The following GRIK2 variants were observed in gnomAD, a reference collection of about 807,000 sequenced individuals.
GRIK2 encodes the protein glutamate receptor ionotropic, kainate 2.
GRIK2 carries 32 observed loss-of-function variants against 100.3 expected under a neutral mutation model. The ratio of observed to expected loss-of-function variants is 0.32; its 90% CI spans 0.24 to 0.43. GRIK2 has a LOEUF of 0.43. Among genes scored for constraint, GRIK2 ranks in the 20% least tolerant of loss-of-function variants. The pLI is 1.00. For synonymous variants in GRIK2, 417 were observed against 389.4 expected, an observed-to-expected ratio of 1.07 and a Z score of -0.83; for missense variants, 843 against 1,114.9, an observed-to-expected ratio of 0.76 and a Z score of 3.47.
At chr6:101,988,723 A>G (rs1193210466) in intron 14 of GRIK2, among the ~76,000 whole-genome samples, 1 of 151,908 alleles carries the variant, frequency 6.6e-6, no homozygotes, top group South Asian at 2.1e-4. Flanking sequence ...GTGGATATAC[A>G]CTCCTGATGA....
At chr6:101,600,304 C>A (rs1779148182) in intron 2 of GRIK2, among the ~76,000 whole-genome samples, 1 of 151,736 alleles carries the variant, frequency 6.6e-6, no homozygotes, top group Non-Finnish European at 1.5e-5. Flanking sequence ...TTATTGTAGC[C>A]TTATAGTACA....
chr6:102,026,313 A>G (rs1289664000), intron 14 of GRIK2, among the ~76,000 whole-genome samples: 1 of 150,564 alleles, frequency 6.6e-6, no homozygotes, highest in African/African-American at 2.4e-5. Context: ...TCATTTATTT[A>G]TCACAATACT....
At chr6:101,596,554 G>T (rs925665207) in intron 2 of GRIK2, among the ~76,000 whole-genome samples, 1 of 151,672 alleles carries the variant, frequency 6.6e-6, no homozygotes, top group Non-Finnish European at 1.5e-5. Context: ...CTTAAAGGGT[G>T]AGTGAATGAA....
At chr6:101,929,876 G>T (rs957140713) in intron 14 of GRIK2, among the ~76,000 whole-genome samples, 4 of 152,174 alleles carry the variant, frequency 2.6e-5, no homozygotes, top group Non-Finnish European at 4.4e-5. Context: ...GAAAATCACT[G>T]TTATTTAATC....
At chr6:101,932,121 A>C (rs1269301246) in intron 14 of GRIK2, among the ~76,000 whole-genome samples, 3 of 152,032 alleles carry the variant, frequency 2.0e-5, no homozygotes, top group Non-Finnish European at 4.4e-5. Flanking sequence ...CATGTTTTAC[A>C]AAATGATACC....
chr6:101,617,011 A>G (rs1175224355), intron 2 of GRIK2, among the ~76,000 whole-genome samples: 2 of 151,442 alleles, frequency 1.3e-5, no homozygotes, highest in Non-Finnish European at 3.0e-5. Flanking sequence ...ATATACTTTC[A>G]TATATTTTCA....
rs181552344 is a variant in GRIK2, at chr6:101,639,277, G to T, written c.541+12640G>T. Among the ~76,000 whole-genome samples the T allele has an allele frequency of 1.5e-3, 226 of 152,174 alleles. 3 individuals carry two copies. Among genetic ancestry groups the T allele is most frequent in the Middle Eastern group, 0.01 (3 of 294 alleles). ...GCAAACTCCTGATATCAAGTGATCT[G>T]CCCTCCTCGGCCTCCCAAAATGCTG... On this transcript the variant is annotated intron_variant, in intron 4 of 16. Transcript: ENST00000369134.
At position 101,856,744 on chromosome 6, in the gene GRIK2, T is replaced by A. The variant is rs528467265; in HGVS notation, c.1318-2543T>A. On this transcript the variant is annotated intron_variant, in intron 10 of 16. Coordinates refer to ENST00000369134, the MANE Select transcript of GRIK2 (RefSeq NM_021956.5). ...GGCGTGGGTGTGATTAAACAATGAG[T>A]TGGATGAGTGGGTTGTTAGAAATCC... is the stretch of plus-strand genomic sequence containing the variant. 2.6e-5 allele frequency among the ~76,000 whole-genome samples: 4 copies of A among 151,890 alleles called. No individual in the cohort carries two copies. The East Asian group carries it at 7.8e-4, about 30-fold the overall frequency.
Position 102,043,893 on chromosome 6 carries a change from C to T in GRIK2, c.2311+8327C>T, listed in dbSNP as rs189268360. On this transcript the variant is annotated intron_variant, in intron 15 of 16. Coordinates refer to ENST00000369134, the MANE Select transcript of GRIK2 (RefSeq NM_021956.5). ...CTGATGGTTTTATAAGGAGTTTTCA[C>T]TTTTACTTCTTTCACATTCTGTCTT... Among the ~76,000 whole-genome samples the T allele has an allele frequency of 5.9e-4, 89 of 152,074 alleles. 1 individual carries two copies. The highest frequency in any genetic ancestry group is 1.8e-3 in the Admixed American group (28 of 15,210).
intron 7 of GRIK2, among the ~76,000 whole-genome samples, chr6:101,759,998 T>G (rs1043027966): frequency 7.7e-6 from 1 of 129,878 alleles, no homozygotes; most frequent in African/African-American, 3.5e-5. Context: ...GCCTCCCGAG[T>G]AGCTGGGACT....
At chr6:101,399,687 C>T (rs899300837) in intron 2 of GRIK2, among the ~76,000 whole-genome samples, 1 of 152,194 alleles carries the variant, frequency 6.6e-6, no homozygotes, top group Non-Finnish European at 1.5e-5. Context: ...GGTCAGCCGC[C>T]ACTCCCGCCT....
At chr6:101,448,741 C>T (rs1267522822) in intron 2 of GRIK2, among the ~76,000 whole-genome samples, 1 of 151,554 alleles carries the variant, frequency 6.6e-6, no homozygotes, top group African/African-American at 2.4e-5. Context: ...AACAGACACA[C>T]TGTGTTTCTT....
chr6:101,682,463 C>G (rs1010996351), intron 5 of GRIK2, 90 bp from the exon 6 acceptor site: 8 of 711,090 alleles, frequency 1.1e-5, no homozygotes, highest in Non-Finnish European at 2.0e-5. Flanking sequence ...GATTCTTTAT[C>G]ACATCCTACT....
intron 8 of GRIK2, among the ~76,000 whole-genome samples, chr6:101,800,854 G>A (rs1262347420): frequency 6.6e-6 from 1 of 151,952 alleles, no homozygotes; most frequent in African/African-American, 2.4e-5. Context: ...AAACAATGAC[G>A]TGTCAAGCAG....
chr6:102,004,458 A>C (rs902560919), intron 14 of GRIK2, among the ~76,000 whole-genome samples: 1 of 151,774 alleles, frequency 6.6e-6, no homozygotes, highest in Non-Finnish European at 1.5e-5. Context: ...ATCTGGTCTC[A>C]TTTGTCCACA....
chr6:101,734,052 A>C (rs977933366), intron 7 of GRIK2, among the ~76,000 whole-genome samples: 1 of 152,076 alleles, frequency 6.6e-6, no homozygotes, highest in Non-Finnish European at 1.5e-5. Flanking sequence ...TGCACTTCAA[A>C]TTCCTACAGC....
intron 14 of GRIK2, among the ~76,000 whole-genome samples, chr6:101,930,383 G>A (rs947882014): frequency 6.6e-6 from 1 of 151,728 alleles, no homozygotes; most frequent in African/African-American, 2.4e-5. Flanking sequence ...ATAAGTCGCT[G>A]AAATTGCTAA....
intron 10 of GRIK2, among the ~76,000 whole-genome samples, chr6:101,837,395 T>A (rs1783198204): frequency 6.6e-6 from 1 of 152,172 alleles, no homozygotes; most frequent in Admixed American, 6.5e-5. Flanking sequence ...TCTTAACTAT[T>A]CTTACCACAC....
chr6:101,450,505 C>A (rs1770616601), intron 2 of GRIK2, among the ~76,000 whole-genome samples: 2 of 151,674 alleles, frequency 1.3e-5, no homozygotes, highest in African/African-American at 2.4e-5. Flanking sequence ...GTACCAGGGA[C>A]AATTTTAATA....
Sources: gnomAD v4.1 joint callset for allele counts (sites outside exome capture counted in the v4.1 genomes callset) on GRCh38, gnomAD v4.1.1 for gene constraint, MANE v1.5 for transcripts, NCBI Gene and HGNC (gene_info 2026-07-23, HGNC 2026-07-21) for gene names.